The following RSBN1 variants were observed in gnomAD, a reference collection of about 807,000 sequenced individuals.
The protein encoded by RSBN1 is lysine-specific demethylase 9.
In RSBN1, 23 loss-of-function variants were observed where a neutral mutation model predicts 74.8. That is an observed-to-expected ratio of 0.31 (90% CI 0.22 to 0.44). RSBN1 has a LOEUF of 0.44. Ranked by LOEUF, RSBN1 falls within the 20% of genes least tolerant of loss-of-function variation. The pLI, the probability that RSBN1 is intolerant of heterozygous loss-of-function variation, is 1.00. For missense variants in RSBN1, 808 were observed against 1,020.9 expected, an observed-to-expected ratio of 0.79 and a Z score of 2.84; for synonymous variants, 407 against 379.6, an observed-to-expected ratio of 1.07 and a Z score of -0.84.
chr1:113,785,122 A>G (rs1443655421), intron 2 of RSBN1, among the ~76,000 whole-genome samples: 1 of 121,540 alleles, frequency 8.2e-6, no homozygotes, highest in East Asian at 6.4e-4. Flanking sequence ...TTCTACTTAA[A>G]AACTTTTTTT....
chr1:113,771,354 T>C (rs1206321146), intron 4 of RSBN1, among the ~76,000 whole-genome samples: 1 of 152,056 alleles, frequency 6.6e-6, no homozygotes, highest in Non-Finnish European at 1.5e-5. Context: ...GACTATTCCT[T>C]GAGAATGTGT....
chr1:113,771,604 T>A (rs1659885654), intron 4 of RSBN1, among the ~76,000 whole-genome samples: 2 of 139,570 alleles, frequency 1.4e-5, no homozygotes, highest in African/African-American at 2.7e-5. Context: ...AACACCAATG[T>A]CCTCTCAAAA....
chr1:113,790,201 C>T (rs1215748117), intron 2 of RSBN1, among the ~76,000 whole-genome samples: 2 of 152,004 alleles, frequency 1.3e-5, no homozygotes, highest in Middle Eastern at 3.4e-3. Context: ...GGGGTAGTAG[C>T]GGGTAACTGA....
intron 2 of RSBN1, among the ~76,000 whole-genome samples, chr1:113,785,355 T>C (rs1034860813): frequency 1.3e-5 from 2 of 152,216 alleles, no homozygotes; most frequent in African/African-American, 2.4e-5. Flanking sequence ...GAGGGTGTTT[T>C]ACAGTTAACT....
intron 2 of RSBN1, among the ~76,000 whole-genome samples, chr1:113,779,196 T>C (rs1660089775): frequency 6.6e-6 from 1 of 152,200 alleles, no homozygotes; most frequent in Non-Finnish European, 1.5e-5. Context: ...ATTTAAAGAA[T>C]CTACTGTCAT....
rs1393502429 is a variant in RSBN1 at position 113,811,744 on chromosome 1, A to C, written c.669T>G (p.Thr223=). Residue 223 remains threonine, a synonymous_variant, in exon 1 of 7, where the codon ACT becomes ACG. Transcript: ENST00000261441. ...HKDKQENGER[T]GGVPLIKAPK... Reference sequence around the variant, plus strand: ...GGGCTTTGATCAGAGGCACCCCTCCAGTCCTCTCGCCGTTTTCCTGCTTGT... The same window carrying C: ...GGGCTTTGATCAGAGGCACCCCTCCCGTCCTCTCGCCGTTTTCCTGCTTGT... 6.2e-7 allele frequency: 1 copy of C among 1,610,886 alleles called. No individual in the cohort carries two copies. Among genetic ancestry groups the C allele is most frequent in the East Asian group, 2.2e-5 (1 of 44,802 alleles).
chr1:113,798,371 G>A (rs1025329009), intron 1 of RSBN1, among the ~76,000 whole-genome samples: 1 of 152,092 alleles, frequency 6.6e-6, no homozygotes, highest in Non-Finnish European at 1.5e-5. Context: ...AGCTAAATAT[G>A]ATGATTCTGA....
At position 113,805,856 on chromosome 1, in the gene RSBN1, C is replaced by A. The variant is rs111886780; in HGVS notation, c.703+5854G>T. Reference sequence around the variant, plus strand: ...AGGGTGGCAAACTTCTCTAAAGAGCCGAACAGCAGGCTTTGCAGGTCTTAT... The same window carrying A: ...AGGGTGGCAAACTTCTCTAAAGAGCAGAACAGCAGGCTTTGCAGGTCTTAT... On this transcript the variant is annotated intron_variant, in intron 1 of 6. Coordinates refer to ENST00000261441, the MANE Select transcript of RSBN1 (RefSeq NM_018364.5). Among the ~76,000 whole-genome samples the A allele has an allele frequency of 3.3e-5, 5 of 152,184 alleles. No homozygotes were observed. The East Asian group carries it at 9.7e-4, about 29-fold the overall frequency.
rs763099752 is a variant in RSBN1 at position 113,797,811 on chromosome 1, C to T, written c.929G>A (p.Arg310Lys). The change falls in exon 2 of 7, where the codon AGG (arginine) becomes AAG (lysine). Residue 310 changes from arginine to lysine, a missense_variant. By Grantham distance (26) the Arg-to-Lys change is conservative. Coordinates refer to ENST00000261441, the MANE Select transcript of RSBN1 (RefSeq NM_018364.5). Reference protein sequence around the residue: ...STSGLNKESFRYLKDEQLCRL... With the variant: ...STSGLNKESFKYLKDEQLCRL... ...GCACAGCTGTTCATCTTTCAGATAC[C>T]TGAAGGACTCCTTATTAAGTCCTGA... The T allele has an allele frequency of 1.2e-6, 2 of 1,614,068 alleles. No individual in the cohort carries two copies. Among genetic ancestry groups the T allele is most frequent in the African/African-American group, 1.3e-5 (1 of 75,010 alleles).
intron 2 of RSBN1, among the ~76,000 whole-genome samples, chr1:113,792,891 A>G (rs1330945026): frequency 3.3e-5 from 5 of 152,148 alleles, no homozygotes; most frequent in Non-Finnish European, 7.4e-5. Context: ...ATCAACTGCT[A>G]AGAGTTAAGT....
chr1:113,802,208 G>A (rs1471164429), intron 1 of RSBN1, among the ~76,000 whole-genome samples: 3 of 151,490 alleles, frequency 2.0e-5, no homozygotes, highest in Non-Finnish European at 2.9e-5. Context: ...TATCCGCCTC[G>A]GCCTCCCAAA....
At chr1:113,795,886 A>G (rs183747741) in intron 2 of RSBN1, among the ~76,000 whole-genome samples, 220 of 152,326 alleles carry the variant, frequency 1.4e-3, no homozygotes, top group African/African-American at 5.2e-3. Flanking sequence ...AAACTGGGAC[A>G]GTTTTCCCCC....
At chr1:113,808,388 A>G (rs546011773) in intron 1 of RSBN1, among the ~76,000 whole-genome samples, 2 of 152,346 alleles carry the variant, frequency 1.3e-5, no homozygotes, top group East Asian at 3.9e-4. Flanking sequence ...CAAGTCCAGT[A>G]CAGACAATGT....
chr1:113,770,664 C>T (rs1008176926), intron 4 of RSBN1, among the ~76,000 whole-genome samples: 2 of 152,072 alleles, frequency 1.3e-5, no homozygotes, highest in Admixed American at 1.3e-4. Context: ...GTTGACAAGA[C>T]TCACCAAAAT....
At chr1:113,778,288 CTT>C (rs1157172067) in intron 2 of RSBN1, among the ~76,000 whole-genome samples, 1 of 136,172 alleles carries the variant, frequency 7.3e-6, no homozygotes. Flanking sequence ...ACAGGCCAAT[CTT>C]TTTTTTTTTT....
At position 113,766,093 on chromosome 1, in the gene RSBN1, G is replaced by A; in HGVS notation, c.2296C>T (p.Leu766Phe). ...GTCTTCTGATCTTGCTGTAGATTAAGTTCTGATGCAGGTGGGAAAGATGAT... is the reference window on the plus strand; with the variant it reads ...GTCTTCTGATCTTGCTGTAGATTAAATTCTGATGCAGGTGGGAAAGATGAT... ...ASSSFPPASELNLQQDQKTQP... is the reference protein window; with the variant it reads ...ASSSFPPASEFNLQQDQKTQP... Residue 766 changes from leucine (L) to phenylalanine (F), a missense_variant, in exon 7 of 7, where the codon CTT (leucine) becomes TTT (phenylalanine). By Grantham distance (22) the Leu-to-Phe change is conservative. Around this residue, in one of 6 missense-constraint regions of RSBN1, gnomAD observed 91 missense variants for 99.6 expected, o/e 0.91. Coordinates refer to ENST00000261441, the MANE Select transcript of RSBN1 (RefSeq NM_018364.5). 2 of 1,614,086 alleles carry A rather than the reference G, an allele frequency of 1.2e-6. No homozygotes were observed.
At chr1:113,805,153 T>C (rs1053516428) in intron 1 of RSBN1, among the ~76,000 whole-genome samples, 20 of 152,100 alleles carry the variant, frequency 1.3e-4, no homozygotes, top group Non-Finnish European at 1.5e-5. Flanking sequence ...TCTGACTCTG[T>C]CGACCAGGCT....
chr1:113,772,642 TCCA>T (rs999899451), intron 4 of RSBN1, among the ~76,000 whole-genome samples: 3 of 152,204 alleles, frequency 2.0e-5, no homozygotes, highest in Non-Finnish European at 4.4e-5. Flanking sequence ...ACATTTTTAT[TCCA>T]CCATTTTCCA....
chr1:113,809,771 G>C (rs1440745346), intron 1 of RSBN1, among the ~76,000 whole-genome samples: 1 of 152,156 alleles, frequency 6.6e-6, no homozygotes, highest in Non-Finnish European at 1.5e-5. Flanking sequence ...CAGTGTGGTA[G>C]CCACTAGCCA....
Sources: allele counts gnomAD v4.1 joint callset (sites outside exome capture counted in the v4.1 genomes callset), GRCh38; gene constraint gnomAD v4.1.1; regional missense constraint gnomAD v4.1.1; transcripts MANE v1.5; gene names NCBI Gene and HGNC (gene_info 2026-07-23, HGNC 2026-07-21).